PKIA: variants seen among roughly 807,000 people sequenced by gnomAD.
PKIA encodes cAMP-dependent protein kinase inhibitor alpha.
A neutral mutation model predicts 7.6 loss-of-function variants in PKIA; 4 were observed. The ratio of observed to expected loss-of-function variants is 0.52; its 90% CI spans 0.26 to 1.20. The LOEUF is 1.20. Ranked by LOEUF, PKIA falls within the 50% of genes most tolerant of loss-of-function variation. The pLI is 0.13. For missense variants in PKIA, 73 were observed against 86.2 expected (o/e 0.85, Z 0.61); for synonymous variants, 21 against 30.7 (o/e 0.68, Z 1.04).
At chr8:78,601,151 A>G (rs1023673851) in intron 3 of PKIA, among the ~76,000 whole-genome samples, 1 of 151,996 alleles carries the variant, frequency 6.6e-6, no homozygotes, top group East Asian at 1.9e-4. Context: ...AATTGTGCAC[A>G]TGTTCTCTAA....
At chr8:78,580,496 T>A (rs959001712) in intron 2 of PKIA, among the ~76,000 whole-genome samples, 1 of 152,024 alleles carries the variant, frequency 6.6e-6, no homozygotes, top group Non-Finnish European at 1.5e-5. Flanking sequence ...TACAGGGTAT[T>A]GCAGAGGTTG....
At chr8:78,579,595 A>G (rs1807758993) in intron 2 of PKIA, among the ~76,000 whole-genome samples, 1 of 152,080 alleles carries the variant, frequency 6.6e-6, no homozygotes, top group Non-Finnish European at 1.5e-5. Flanking sequence ...TTGGTGAGAG[A>G]CATTTTGCGA....
At chr8:78,522,429 A>G (rs1054893717) in intron 1 of PKIA, among the ~76,000 whole-genome samples, 4 of 151,836 alleles carry the variant, frequency 2.6e-5, no homozygotes, top group African/African-American at 9.7e-5. Context: ...TAGTTTGAGT[A>G]CTCTAGATAC....
chr8:78,525,189 C>T (rs1172138556), intron 1 of PKIA, among the ~76,000 whole-genome samples: 1 of 151,710 alleles, frequency 6.6e-6, no homozygotes, highest in Non-Finnish European at 1.5e-5. Flanking sequence ...GAAAACATGA[C>T]ATTCCCCTTT....
intron 2 of PKIA, among the ~76,000 whole-genome samples, chr8:78,581,885 T>C (rs1170172157): frequency 6.6e-6 from 1 of 152,112 alleles, no homozygotes; most frequent in Non-Finnish European, 1.5e-5. Context: ...TATTTGGATA[T>C]GTTTGTAGGA....
chr8:78,546,741 GT>G (rs1346924189), intron 1 of PKIA, among the ~76,000 whole-genome samples: 1 of 152,078 alleles, frequency 6.6e-6, no homozygotes, highest in Non-Finnish European at 1.5e-5. Flanking sequence ...CTTGTAACCC[GT>G]TTAGTCTATT....
At chr8:78,527,040 G>T (rs1585867784) in intron 1 of PKIA, among the ~76,000 whole-genome samples, 1 of 152,102 alleles carries the variant, frequency 6.6e-6, no homozygotes, top group East Asian at 1.9e-4. Flanking sequence ...GGAGAATTTT[G>T]TGGTGAGCAA....
chr8:78,574,137 C>T (rs1043476912), intron 2 of PKIA, among the ~76,000 whole-genome samples: 5 of 151,930 alleles, frequency 3.3e-5, no homozygotes, highest in African/African-American at 1.2e-4. Flanking sequence ...AGATTTATAA[C>T]TGATAACAGT....
chr8:78,520,034 C>A (rs1162114625), intron 1 of PKIA, among the ~76,000 whole-genome samples: 1 of 152,098 alleles, frequency 6.6e-6, no homozygotes, highest in Non-Finnish European at 1.5e-5. Context: ...CTAAAAAAAA[C>A]TCTTGAAAGC....
At chr8:78,542,605 G>C (rs1806722706) in intron 1 of PKIA, among the ~76,000 whole-genome samples, 1 of 152,088 alleles carries the variant, frequency 6.6e-6, no homozygotes, top group Admixed American at 6.6e-5. Flanking sequence ...TTTTTTTCCA[G>C]AATTTGCTGT....
intron 1 of PKIA, among the ~76,000 whole-genome samples, chr8:78,529,767 G>T (rs1328493636): frequency 6.6e-6 from 1 of 151,890 alleles, no homozygotes; most frequent in Non-Finnish European, 1.5e-5. Context: ...AATGTTAAGT[G>T]CAAAGACCAG....
At chr8:78,540,212 T>C (rs1424337680) in intron 1 of PKIA, among the ~76,000 whole-genome samples, 2 of 151,922 alleles carry the variant, frequency 1.3e-5, no homozygotes, top group Non-Finnish European at 2.9e-5. Context: ...AATAAAAATA[T>C]AGGTCTCGAG....
At chr8:78,569,046 C>A (rs1585907251) in intron 1 of PKIA, among the ~76,000 whole-genome samples, 1 of 152,042 alleles carries the variant, frequency 6.6e-6, no homozygotes, top group Non-Finnish European at 1.5e-5. Context: ...TACAAATGGA[C>A]TCCCTGCACA....
At chr8:78,537,796 C>A (rs529740729) in intron 1 of PKIA, among the ~76,000 whole-genome samples, 2 of 152,050 alleles carry the variant, frequency 1.3e-5, no homozygotes, top group Admixed American at 6.6e-5. Context: ...AGCAAGCATG[C>A]ATCTTTTGTG....
At chr8:78,574,709 C>A (rs1326525135) in intron 2 of PKIA, among the ~76,000 whole-genome samples, 1 of 151,932 alleles carries the variant, frequency 6.6e-6, no homozygotes, top group Non-Finnish European at 1.5e-5. Flanking sequence ...AGATATACTT[C>A]TAATAACAAT....
intron 1 of PKIA, among the ~76,000 whole-genome samples, chr8:78,569,874 G>T (rs1807505734): frequency 6.6e-6 from 1 of 152,020 alleles, no homozygotes; most frequent in Non-Finnish European, 1.5e-5. Context: ...ACCTTTGTTG[G>T]GCAGGCTCAA....
At chr8:78,590,720 T>C (rs1347935151) in intron 2 of PKIA, among the ~76,000 whole-genome samples, 3 of 152,144 alleles carry the variant, frequency 2.0e-5, no homozygotes, top group African/African-American at 7.2e-5. Context: ...GGTTTATTCA[T>C]AGTATTTGAG....
intron 1 of PKIA, among the ~76,000 whole-genome samples, chr8:78,537,533 C>A (rs2118392343): frequency 6.6e-6 from 1 of 152,178 alleles, no homozygotes; most frequent in East Asian, 1.9e-4. Flanking sequence ...ATATTTGTTT[C>A]TATGCGATAA....
intron 1 of PKIA, among the ~76,000 whole-genome samples, chr8:78,537,063 G>GT (rs1209338988): frequency 6.6e-6 from 1 of 151,918 alleles, no homozygotes; most frequent in Non-Finnish European, 1.5e-5. Flanking sequence ...AGAGCTCAGG[G>GT]TTTTGGGGAC....
Sources: gnomAD v4.1 joint callset for allele counts (sites outside exome capture counted in the v4.1 genomes callset) on GRCh38, gnomAD v4.1.1 for gene constraint, MANE v1.5 for transcripts, NCBI Gene and HGNC (gene_info 2026-07-23, HGNC 2026-07-21) for gene names.